NLGN3: variants seen among roughly 807,000 people sequenced by gnomAD.
NLGN3 encodes the protein neuroligin 3, also known as neuroligin-3.
In NLGN3, 11 loss-of-function variants were observed where a neutral mutation model predicts 42.9. That is an observed-to-expected ratio of 0.26 (90% confidence interval 0.16 to 0.42). NLGN3 has a LOEUF of 0.42. Among genes scored for constraint, NLGN3 ranks in the 10% least tolerant of loss-of-function variants. The pLI, the probability that NLGN3 is intolerant of heterozygous loss-of-function variation, is 1.00. For synonymous variants in NLGN3, 279 were observed against 312.7 expected, an observed-to-expected ratio of 0.89 and a Z score of 1.14; for missense variants, 374 against 733.8, an observed-to-expected ratio of 0.51 and a Z score of 5.67.
chrX:71,155,748 C>G (rs1467708723), intron 5 of NLGN3, among the ~76,000 whole-genome samples: 3 of 111,087 alleles, frequency 2.7e-5, no homozygotes, highest in African/African-American at 9.9e-5. Flanking sequence ...TCCTTCCAGT[C>G]CACTCCATGG....
chrX:71,174,172 A>C (rs1056467676), downstream of NLGN3, among the ~76,000 whole-genome samples: 1 of 112,204 alleles, frequency 8.9e-6, no homozygotes, highest in Non-Finnish European at 1.9e-5. Flanking sequence ...AACGATTTTC[A>C]GACTAGAAAG....
In NLGN3 at chrX:71,169,796, G is replaced by A. The variant is rs1344806943; in HGVS notation, c.2246G>A (p.Gly749Glu). The change falls in exon 8 of 8, where the codon GGA becomes GAA. Residue 749 changes from glycine (G) to glutamate (E), a missense_variant. Transcript: ENST00000358741. The part of the protein sequence containing the change: ...EPLRQPSPQR[G>E]AGAPELGAAP... Reference sequence around the variant, plus strand: ...CTGCGGCAGCCTAGCCCTCAGCGGGGAGCCGGGGCCCCGGAGTTGGGAGCT... The same window carrying A: ...CTGCGGCAGCCTAGCCCTCAGCGGGAAGCCGGGGCCCCGGAGTTGGGAGCT... The A allele has an allele frequency of 8.3e-7, 1 of 1,209,288 alleles. No individual in the cohort carries two copies. The highest frequency in any genetic ancestry group is 1.8e-5 in the South Asian group (1 of 56,668).
intron 7 of NLGN3, 111 bp downstream of exon 7, chrX:71,167,911 C>A: frequency 1.4e-6 from 1 of 701,358 alleles, no homozygotes; most frequent in Non-Finnish European, 2.3e-6. Context: ...TTCCCAAAAT[C>A]TTGCTTGGTA....
chrX:71,173,231 G>A (rs759853120), downstream of NLGN3, among the ~76,000 whole-genome samples: 22 of 111,160 alleles, frequency 2.0e-4, no homozygotes, highest in Admixed American at 6.7e-4. Context: ...TCTATTTTGG[G>A]AAGATTTAGA....
chrX:71,166,176 G>A (rs1487069224), intron 6 of NLGN3, among the ~76,000 whole-genome samples: 1 of 110,876 alleles, frequency 9.0e-6, no homozygotes, highest in Non-Finnish European at 1.9e-5. Flanking sequence ...GAAAGTCTCT[G>A]CCAGGCGCGG....
At chrX:71,168,309 T>C (rs190026576) in intron 7 of NLGN3, among the ~76,000 whole-genome samples, 1 of 111,439 alleles carries the variant, frequency 9.0e-6, no homozygotes, top group East Asian at 2.8e-4. Flanking sequence ...GCCACTGTAC[T>C]CTAGCCTGGG....
At chrX:71,168,837 G>GAA (rs1248181528) in intron 7 of NLGN3, among the ~76,000 whole-genome samples, 2 of 79,364 alleles carry the variant, frequency 2.5e-5, no homozygotes, top group African/African-American at 7.1e-5. Context: ...AAGAAAGAAA[G>GAA]AAAGAAAGAA....
At chrX:71,146,153 TCACACACACACACACACAGA>T (rs1330124553) in intron 1 of NLGN3, among the ~76,000 whole-genome samples, 2 of 26,345 alleles carry the variant, frequency 7.6e-5, no homozygotes, top group African/African-American at 3.1e-4. Context: ...TCTCTCTCTC[TCACACACACACACACACAGA>T]CACACACACA....
intron 5 of NLGN3, among the ~76,000 whole-genome samples, chrX:71,163,060 G>T (rs2092435529): frequency 9.0e-6 from 1 of 111,147 alleles, no homozygotes; most frequent in Non-Finnish European, 1.9e-5. Context: ...TAAAATGGAA[G>T]CAGAGTAGGG....
chrX:71,170,074 T>C lies in NLGN3; in HGVS notation c.2524T>C (p.Ser842Pro), dbSNP rs2092465857. Residue 842 changes from serine (S) to proline (P), a missense_variant, in exon 8 of 8, where the codon TCA becomes CCA. Coordinates refer to ENST00000358741, the MANE Select transcript of NLGN3 (RefSeq NM_181303.2). Reference sequence around the variant, plus strand: ...GTTCAACAGTACCGGGCTGCCCCACTCACACTCCACTACCCGGGTATAGCT... The same window carrying C: ...GTTCAACAGTACCGGGCTGCCCCACCCACACTCCACTACCCGGGTATAGCT... ...AGFNSTGLPH[S>P]HSTTRV is the part of the protein sequence containing the mutation. The C allele has an allele frequency of 8.3e-7, 1 of 1,205,507 alleles. No homozygotes were observed. The highest frequency in any genetic ancestry group is 1.1e-6 in the Non-Finnish European group (1 of 894,123).
At chrX:71,173,639 A>G (rs757662102), downstream of NLGN3, among the ~76,000 whole-genome samples, 2 of 112,406 alleles carry the variant, frequency 1.8e-5, no homozygotes, top group South Asian at 3.6e-4. Context: ...CTGAATTTGT[A>G]GTGTGTGTGA....
intron 1 of NLGN3, among the ~76,000 whole-genome samples, chrX:71,145,820 C>T (rs1602311109): frequency 1.1e-5 from 1 of 95,215 alleles, no homozygotes; most frequent in Non-Finnish European, 2.1e-5. Flanking sequence ...GGGGGGGTTG[C>T]TGGTGGGGAA....
At chrX:71,171,837 G>C (rs1280324845), downstream of NLGN3, 2 of 123,916 alleles carry the variant, frequency 1.6e-5, no homozygotes, top group Non-Finnish European at 3.1e-5. Context: ...CATGGATTCA[G>C]TGGGGCCTCA....
At chrX:71,155,164 G>T (rs778750743) in intron 4 of NLGN3, 50 bp from the exon 5 acceptor site, 2 of 1,205,444 alleles carry the variant, frequency 1.7e-6, no homozygotes, top group Non-Finnish European at 2.2e-6. Flanking sequence ...GCAGGGGTGG[G>T]GGAGCAAGGG....
At chrX:71,172,950 T>C (rs890591436), downstream of NLGN3, among the ~76,000 whole-genome samples, 14 of 107,638 alleles carry the variant, frequency 1.3e-4, no homozygotes, top group African/African-American at 4.9e-4. Flanking sequence ...CTCATCTTCC[T>C]GAAAGCAGAG....
At chrX:71,174,580 G>A (rs2092475462), downstream of NLGN3, among the ~76,000 whole-genome samples, 1 of 111,807 alleles carries the variant, frequency 8.9e-6, no homozygotes, top group African/African-American at 3.3e-5. Context: ...GCCCCACTGG[G>A]TTCATTTCCC....
intron 3 of NLGN3, among the ~76,000 whole-genome samples, chrX:71,151,040 G>A (rs201676179): frequency 2.1e-4 from 24 of 112,145 alleles, no homozygotes; most frequent in African/African-American, 6.2e-4. Context: ...TGGTTTGGCC[G>A]GGCGCGGTGG....
At chrX:71,152,202 C>G (rs908160738) in intron 3 of NLGN3, among the ~76,000 whole-genome samples, 6 of 111,003 alleles carry the variant, frequency 5.4e-5, no homozygotes, top group Non-Finnish European at 1.1e-4. Flanking sequence ...GACCAGCATC[C>G]AGACAGCCGG....
In NLGN3 at chrX:71,170,333, C is replaced by T. The variant is rs193068757; in HGVS notation, c.*236C>T. ...CCTGAACAAACCCTTTAAATGGGGA[C>T]GCAGATGAGTCCTCGGTAAACCGAG... is the stretch of plus-strand genomic sequence containing the variant. On this transcript the variant is annotated 3_prime_UTR_variant, in exon 8 of 8. Transcript: ENST00000358741. 9.2e-4 allele frequency: 979 copies of T among 1,060,991 alleles called. 12 individuals are homozygous for T. The Admixed American group carries it at 0.022, about 24-fold the overall frequency. The allele number at this position is 1,060,991 out of a possible 1,213,427, so 87.4% of individuals were successfully genotyped here.
Sources: allele counts gnomAD v4.1 joint callset (sites outside exome capture counted in the v4.1 genomes callset), GRCh38; gene constraint gnomAD v4.1.1; transcripts MANE v1.5; gene names NCBI Gene and HGNC (gene_info 2026-07-23, HGNC 2026-07-21).